The following MACROD1 variants were observed in gnomAD, a reference collection of about 807,000 sequenced individuals.
MACROD1 encodes mono-ADP ribosylhydrolase 1, also known as ADP-ribose glycohydrolase MACROD1.
MACROD1 carries 31 observed loss-of-function variants against 41.4 expected under a neutral mutation model. The ratio of observed to expected loss-of-function variants is 0.75; its 90% CI spans 0.56 to 1.01. MACROD1 has a LOEUF of 1.01. Ranked by LOEUF, MACROD1 falls within the 50% of genes least tolerant of loss-of-function variation. The pLI is 0.00. For missense variants in MACROD1, 473 were observed against 460.0 expected (o/e 1.03, Z -0.26); for synonymous variants, 252 against 203.4 (o/e 1.24, Z -2.03).
At position 64,146,113 on chromosome 11, in the gene MACROD1, G is replaced by A. The variant is rs923541618; in HGVS notation, c.517+5126C>T. On this transcript the variant is annotated intron_variant, in intron 3 of 10. Coordinates refer to ENST00000255681, the MANE Select transcript of MACROD1 (RefSeq NM_014067.4). The surrounding 1 kb of genome is among the most constrained non-coding windows in gnomAD (Gnocchi z 4.7). Reference sequence around the variant, plus strand: ...TTGTGCCCGGACATGTCCTGCCCAGGACTCTGCTATCTGTCAGGAACAAGA... The same window carrying A: ...TTGTGCCCGGACATGTCCTGCCCAGAACTCTGCTATCTGTCAGGAACAAGA... 6.6e-6 allele frequency among the ~76,000 whole-genome samples: 1 copy of A among 152,182 alleles called. No individual in the cohort carries two copies. Among genetic ancestry groups the A allele is most frequent in the Non-Finnish European group, 1.5e-5 (1 of 68,028 alleles).
At position 64,091,609 on chromosome 11, in the gene MACROD1, G is replaced by A. The variant is rs369615219; in HGVS notation, c.517+59630C>T. On this transcript the variant is annotated intron_variant, in intron 3 of 10. Coordinates refer to ENST00000255681, the MANE Select transcript of MACROD1 (RefSeq NM_014067.4). ...CTCCTGGAGTCCTTGCCACAGCCTA[G>A]GACGTTGCCGCCACCATCCCCCCAT... Among the ~76,000 whole-genome samples, 75 of 152,240 alleles carry A rather than the reference G, an allele frequency of 4.9e-4. 1 individual carries two copies. The East Asian group carries it at 0.014, about 28-fold the overall frequency.
intron 3 of MACROD1, among the ~76,000 whole-genome samples, chr11:64,024,519 AC>A (rs1388989582): frequency 6.6e-6 from 1 of 151,802 alleles, no homozygotes; most frequent in East Asian, 2.0e-4. Flanking sequence ...GCACTGCAGG[AC>A]CCCCAGCTGC....
chr11:64,135,866 T>C (rs1056470812), intron 3 of MACROD1, among the ~76,000 whole-genome samples: 1 of 152,182 alleles, frequency 6.6e-6, no homozygotes, highest in Non-Finnish European at 1.5e-5. Flanking sequence ...GGAAGCCTCG[T>C]TGGCACCCCG....
At chr11:63,999,075 G>C (rs764933416) in intron 8 of MACROD1, 39 bp from the exon 9 acceptor site, 1 of 1,551,980 alleles carries the variant, frequency 6.4e-7, no homozygotes, top group Non-Finnish European at 8.7e-7. Flanking sequence ...GAGCTGCCAC[G>C]CCTGGCCCCA....
Position 64,116,555 on chromosome 11 carries a change from C to T in MACROD1, c.517+34684G>A, listed in dbSNP as rs614035. 0.63 allele frequency: 1,019,520 copies of T among 1,613,820 alleles called. 334,388 individuals carry two copies. Among genetic ancestry groups the T allele is most frequent in the Non-Finnish European group, 0.68 (801,007 of 1,179,916 alleles). On this transcript the variant is annotated intron_variant, in intron 3 of 10. Transcript: ENST00000255681. ...TGCAGAACAACCAGATCAACAACGC[C>T]GGCATCCCCCAGGACCTCAAGACCA...
intron 3 of MACROD1, among the ~76,000 whole-genome samples, chr11:64,040,667 A>T (rs192568724): frequency 6.6e-6 from 1 of 152,286 alleles, no homozygotes; most frequent in East Asian, 1.9e-4. Flanking sequence ...GGGCTTGTTT[A>T]TGACGGGGGC....
At chr11:64,003,768 C>T (rs748127804) in intron 4 of MACROD1, among the ~76,000 whole-genome samples, 2 of 152,224 alleles carry the variant, frequency 1.3e-5, no homozygotes, top group Admixed American at 1.3e-4. Context: ...AGGGCCTCGC[C>T]CTGAACCACT....
intron 3 of MACROD1, among the ~76,000 whole-genome samples, chr11:64,051,548 G>A (rs563954455): frequency 4.6e-5 from 7 of 152,348 alleles, no homozygotes; most frequent in African/African-American, 1.7e-4. Flanking sequence ...CAGGCTAACA[G>A]CTGTTTGTGC....
At chr11:64,114,902 T>C (rs1187550800) in intron 3 of MACROD1, among the ~76,000 whole-genome samples, 1 of 152,148 alleles carries the variant, frequency 6.6e-6, no homozygotes, top group Non-Finnish European at 1.5e-5. Flanking sequence ...CAAGAGTAGC[T>C]TGCTCGATGG....
At chr11:64,145,251 G>A (rs1004281688) in intron 3 of MACROD1, among the ~76,000 whole-genome samples, 6 of 152,084 alleles carry the variant, frequency 3.9e-5, no homozygotes, top group Admixed American at 1.3e-4. Flanking sequence ...CTTCCCACCC[G>A]TCCCCGCCGC....
intron 1 of MACROD1, among the ~76,000 whole-genome samples, chr11:64,154,729 A>T (rs1018957105): frequency 1.3e-5 from 2 of 150,572 alleles, no homozygotes. Context: ...TTATTCTTTT[A>T]TTTTTTTTTG....
chr11:64,096,546 G>C lies in MACROD1; in HGVS notation c.517+54693C>G, dbSNP rs1322616371. Among the ~76,000 whole-genome samples the C allele has an allele frequency of 1.3e-5, 2 of 152,076 alleles. No individual in the cohort carries two copies. The highest frequency in any genetic ancestry group is 2.4e-5 in the African/African-American group (1 of 41,390). On this transcript the variant is annotated intron_variant, in intron 3 of 10. Coordinates refer to ENST00000255681, the MANE Select transcript of MACROD1 (RefSeq NM_014067.4). The surrounding 1 kb of genome is among the most constrained non-coding windows in gnomAD (Gnocchi z 4.6). Reference sequence around the variant, plus strand: ...TTCTCTTGCCTCAGCCCACCGAGTAGCTGGGATTACAGGCGCCTGCCATCA... The same window carrying C: ...TTCTCTTGCCTCAGCCCACCGAGTACCTGGGATTACAGGCGCCTGCCATCA...
At chr11:64,144,188 G>A (rs1945458174) in intron 3 of MACROD1, among the ~76,000 whole-genome samples, 1 of 151,706 alleles carries the variant, frequency 6.6e-6, no homozygotes, top group Non-Finnish European at 1.5e-5. Context: ...TCTCCCCACA[G>A]AATGCTCTTG....
chr11:64,048,317 C>G (rs190753289), intron 3 of MACROD1, among the ~76,000 whole-genome samples: 226 of 152,344 alleles, frequency 1.5e-3, no homozygotes, highest in Non-Finnish European at 2.4e-3. Context: ...CAGAGCCCAG[C>G]CTTTGTGCCA....
chr11:64,111,796 C>T (rs1944867644), intron 3 of MACROD1, among the ~76,000 whole-genome samples: 1 of 152,228 alleles, frequency 6.6e-6, no homozygotes, highest in Non-Finnish European at 1.5e-5. Flanking sequence ...GTGTCCTTCC[C>T]AGTCCCCAAT....
chr11:64,086,308 G>A (rs747747236), intron 3 of MACROD1, among the ~76,000 whole-genome samples: 14 of 152,196 alleles, frequency 9.2e-5, no homozygotes, highest in Non-Finnish European at 1.5e-4. Flanking sequence ...AGTGCATACC[G>A]GCACCTGCAC....
intron 1 of MACROD1, among the ~76,000 whole-genome samples, chr11:64,165,007 C>T (rs915530616): frequency 1.2e-4 from 19 of 152,228 alleles, no homozygotes; most frequent in Non-Finnish European, 5.9e-5. Flanking sequence ...GGACAAGACC[C>T]CACCTCTGCC....
rs906632695 is a variant in MACROD1, at chr11:64,001,664, G to A, written c.548-1321C>T. 6.6e-5 allele frequency: 46 copies of A among 701,452 alleles called. No individual in the cohort carries two copies. The African/African-American group carries it at 7.2e-4, about 11-fold the overall frequency. 43.5% of individuals were successfully genotyped at this position (701,452 alleles called of 1,614,324 possible). ...GGGTGGGCAGAGAGGTTAGGGGAAC[G>A]CTGAGAACGGCTCAGGCCTGGATCC... On this transcript the variant is annotated intron_variant, in intron 4 of 10. Coordinates refer to ENST00000255681, the MANE Select transcript of MACROD1 (RefSeq NM_014067.4).
intron 3 of MACROD1, among the ~76,000 whole-genome samples, chr11:64,030,263 G>A (rs181733331): frequency 4.0e-5 from 6 of 151,616 alleles, no homozygotes; most frequent in African/African-American, 9.7e-5. Flanking sequence ...CATCATCTCC[G>A]GGCAATTCCC....
Sources: allele counts gnomAD v4.1 joint callset (sites outside exome capture counted in the v4.1 genomes callset), GRCh38; gene constraint gnomAD v4.1.1; non-coding constraint Gnocchi (gnomAD v3.1); transcripts MANE v1.5; gene names NCBI Gene and HGNC (gene_info 2026-07-23, HGNC 2026-07-21).